ADAMTS16: variants seen among roughly 807,000 people sequenced by gnomAD.
The protein encoded by ADAMTS16 is ADAM metallopeptidase with thrombospondin type 1 motif 16, also known as A disintegrin and metalloproteinase with thrombospondin motifs 16.
Under a neutral mutation model 145.8 loss-of-function variants are expected in ADAMTS16, and 94 were observed. That is an observed-to-expected ratio of 0.64 (90% confidence interval 0.55 to 0.77). The LOEUF is 0.77. Among genes scored for constraint, ADAMTS16 ranks in the 30% least tolerant of loss-of-function variants. The pLI, the probability that ADAMTS16 is intolerant of heterozygous loss-of-function variation, is 0.00. For missense variants in ADAMTS16, 1,585 were observed against 1,591.5 expected (o/e 1.00, Z 0.07); for synonymous variants, 659 against 604.3 (o/e 1.09, Z -1.33).
intron 3 of ADAMTS16, among the ~76,000 whole-genome samples, chr5:5,150,172 T>G (rs754383790): frequency 6.6e-6 from 1 of 152,232 alleles, no homozygotes; most frequent in Non-Finnish European, 1.5e-5. Context: ...GTTTCCTATT[T>G]CTCCACATTC....
At chr5:5,259,957 G>T (rs1158358355) in intron 17 of ADAMTS16, among the ~76,000 whole-genome samples, 2 of 152,264 alleles carry the variant, frequency 1.3e-5, no homozygotes, top group East Asian at 1.9e-4. Flanking sequence ...TGCCTGGGGG[G>T]ACTTTGGACA....
intron 3 of ADAMTS16, among the ~76,000 whole-genome samples, chr5:5,167,508 G>A (rs969243792): frequency 3.9e-5 from 6 of 152,194 alleles, no homozygotes; most frequent in Non-Finnish European, 7.4e-5. Context: ...TAGTTCAGAT[G>A]TTTTTGTGTC....
intron 3 of ADAMTS16, among the ~76,000 whole-genome samples, chr5:5,165,025 A>G (rs1734833990): frequency 6.6e-6 from 1 of 152,144 alleles, no homozygotes; most frequent in Non-Finnish European, 1.5e-5. Context: ...ATTTTTTAGT[A>G]AATGTGGAGT....
chr5:5,229,118 G>A (rs1736850014), intron 11 of ADAMTS16, among the ~76,000 whole-genome samples: 1 of 151,654 alleles, frequency 6.6e-6, no homozygotes, highest in East Asian at 1.9e-4. Context: ...CTAACACGGT[G>A]AAACCCCGTC....
At chr5:5,305,126 ACACCACACAC>A in intron 20 of ADAMTS16, among the ~76,000 whole-genome samples, 1 of 36,986 alleles carries the variant, frequency 2.7e-5, no homozygotes, top group Non-Finnish European at 5.7e-5. Context: ...CACACACCCC[ACACCACACAC>A]ACACATCCCA....
rs114033835 is a variant in ADAMTS16 at position 5,226,465 on chromosome 5, C to G, written c.1701+3581C>G. ...CAATTACCTCCTACCAGGTCCCTCCCGTGACACATGGGAACTGTGGGAGCT... is the reference window on the plus strand; with the variant it reads ...CAATTACCTCCTACCAGGTCCCTCCGGTGACACATGGGAACTGTGGGAGCT... On this transcript the variant is annotated intron_variant, in intron 11 of 22. Coordinates refer to ENST00000274181, the MANE Select transcript of ADAMTS16 (RefSeq NM_139056.4). Among the ~76,000 whole-genome samples, 1,153 of 152,252 alleles carry G rather than the reference C, an allele frequency of 7.6e-3. 9 individuals carry two copies. Among genetic ancestry groups the G allele is most frequent in the Non-Finnish European group, 0.013 (866 of 68,020 alleles).
chr5:5,229,304 C>CAAA (rs1195176050), intron 11 of ADAMTS16, among the ~76,000 whole-genome samples: 15,126 of 75,086 alleles, frequency 0.2, 1,599 homozygotes, highest in Non-Finnish European at 0.23. Context: ...GACTCCGTCT[C>CAAA]AAAAAAAAAA....
At chr5:5,251,798 GC>G (rs1560969376) in intron 17 of ADAMTS16, among the ~76,000 whole-genome samples, 1 of 152,160 alleles carries the variant, frequency 6.6e-6, no homozygotes, top group Non-Finnish European at 1.5e-5. Context: ...AGATTCTCGG[GC>G]CCCCAGCCCA....
At chr5:5,194,498 G>A (rs1735747850) in intron 8 of ADAMTS16, among the ~76,000 whole-genome samples, 1 of 152,160 alleles carries the variant, frequency 6.6e-6, no homozygotes, top group East Asian at 1.9e-4. Flanking sequence ...TTCAGCAAAT[G>A]TGTATGAATG....
At position 5,173,318 on chromosome 5, in the gene ADAMTS16, C is replaced by T. The variant is rs556590083; in HGVS notation, c.502-8726C>T. On this transcript the variant is annotated intron_variant, in intron 3 of 22. Coordinates refer to ENST00000274181, the MANE Select transcript of ADAMTS16 (RefSeq NM_139056.4). ...ATTTGTTTTCTGGGGTTTTTTGTGC[C>T]GTTTTATTTCTTTCCTTCTTGTCTT... 2.7e-5 allele frequency among the ~76,000 whole-genome samples: 4 copies of T among 146,366 alleles called. No homozygotes were observed. In the South Asian group the frequency reaches 7.0e-4, roughly 26 times the overall value.
In ADAMTS16 at chr5:5,245,467, G is replaced by A. The variant is rs942534060; in HGVS notation, c.2662+3276G>A. Among the ~76,000 whole-genome samples, 5 of 152,202 alleles carry A rather than the reference G, an allele frequency of 3.3e-5. No homozygotes were observed. The South Asian group carries it at 6.2e-4, about 19-fold the overall frequency. On this transcript the variant is annotated intron_variant, in intron 17 of 22. Transcript: ENST00000274181. ...CCTGATTCCCAAAGGAAAAGGGAAA[G>A]TATAGATGGTATTTTCCTCTTATCT... is the stretch of plus-strand genomic sequence containing the variant.
rs1735665589 is a variant in ADAMTS16 at position 5,191,668 on chromosome 5, A to G, written c.1208-17A>G. 6.3e-7 allele frequency: 1 copy of G among 1,593,740 alleles called. No homozygotes were observed. The highest frequency in any genetic ancestry group is 1.1e-5 in the South Asian group (1 of 90,252). ...TACAACACCGCTATGTGTTCTTTTG[A>G]TCTTTGTCCTTCACAGGATTTGCAC... On this transcript the variant is annotated splice_polypyrimidine_tract_variant and intron_variant, in intron 7 of 22. Coordinates refer to ENST00000274181, the MANE Select transcript of ADAMTS16 (RefSeq NM_139056.4).
At chr5:5,221,236 C>T (rs1736597429) in intron 10 of ADAMTS16, among the ~76,000 whole-genome samples, 1 of 152,078 alleles carries the variant, frequency 6.6e-6, no homozygotes. Context: ...TCATGGGTTC[C>T]TTGGGTTCTG....
intron 17 of ADAMTS16, among the ~76,000 whole-genome samples, chr5:5,251,079 A>T (rs927937070): frequency 6.6e-6 from 1 of 152,166 alleles, no homozygotes; most frequent in Non-Finnish European, 1.5e-5. Context: ...ATCCACCTTC[A>T]TGAAGGCTCA....
chr5:5,202,662 C>T (rs1735993306), intron 9 of ADAMTS16, among the ~76,000 whole-genome samples: 1 of 152,092 alleles, frequency 6.6e-6, no homozygotes, highest in Admixed American at 6.5e-5. Context: ...ATTCCAGATC[C>T]TTTCTATAGT....
At position 5,315,122 on chromosome 5, in the gene ADAMTS16, C is replaced by A. The variant is rs118062984; in HGVS notation, c.3412-3012C>A. Among the ~76,000 whole-genome samples, 178 of 152,286 alleles carry A rather than the reference C, an allele frequency of 1.2e-3. 3 individuals carry two copies. In the East Asian group the frequency reaches 0.031, roughly 27 times the overall value. ...ATCATGGTGGAATGGGAAGCAAACA[C>A]GTCCTTCTTCACATGACGGCAGCAA... On this transcript the variant is annotated intron_variant, in intron 21 of 22. Transcript: ENST00000274181.
At chr5:5,148,907 C>A (rs922891580) in intron 3 of ADAMTS16, among the ~76,000 whole-genome samples, 1 of 152,046 alleles carries the variant, frequency 6.6e-6, no homozygotes, top group Non-Finnish European at 1.5e-5. Flanking sequence ...GATGCCTCTG[C>A]GTGCCTTGCT....
intron 3 of ADAMTS16, among the ~76,000 whole-genome samples, chr5:5,180,516 C>T (rs1209024880): frequency 6.6e-6 from 1 of 152,188 alleles, no homozygotes; most frequent in Non-Finnish European, 1.5e-5. Context: ...TGCATCCCTC[C>T]TACTCAACTT....
intron 10 of ADAMTS16, among the ~76,000 whole-genome samples, chr5:5,214,184 A>G (rs978604541): frequency 1.3e-5 from 2 of 152,186 alleles, no homozygotes; most frequent in African/African-American, 2.4e-5. Flanking sequence ...ATTGGTCCAT[A>G]TATGTGGTGT....
Sources: gnomAD v4.1 joint callset for allele counts (sites outside exome capture counted in the v4.1 genomes callset) on GRCh38, gnomAD v4.1.1 for gene constraint, MANE v1.5 for transcripts, NCBI Gene and HGNC (gene_info 2026-07-23, HGNC 2026-07-21) for gene names.